NEGR1: variants seen among roughly 807,000 people sequenced by gnomAD.
NEGR1 encodes the protein IgLON family member 4.
In NEGR1, 10 loss-of-function variants were observed where a neutral mutation model predicts 40.9. The ratio of observed to expected loss-of-function variants is 0.24; its 90% CI spans 0.15 to 0.42. The LOEUF is 0.42. Among genes scored for constraint, NEGR1 ranks in the 10% least tolerant of loss-of-function variants. The pLI is 1.00. For synonymous variants in NEGR1, 185 were observed against 166.8 expected (o/e 1.11, Z -0.84); for missense variants, 352 against 438.9 (o/e 0.80, Z 1.77).
intron 6 of NEGR1, among the ~76,000 whole-genome samples, chr1:71,544,121 G>A (rs895196846): frequency 2.6e-5 from 4 of 151,590 alleles, no homozygotes; most frequent in Non-Finnish European, 4.4e-5. Flanking sequence ...TAGGCTTTCC[G>A]TTCCTTCCAG....
At chr1:71,526,326 TA>T (rs1265799015) in intron 6 of NEGR1, among the ~76,000 whole-genome samples, 1 of 151,716 alleles carries the variant, frequency 6.6e-6, no homozygotes, top group East Asian at 2.0e-4. Context: ...AGCTTTGTAA[TA>T]ATAGACTTTG....
At chr1:72,095,579 T>C (rs1283460404) in intron 1 of NEGR1, among the ~76,000 whole-genome samples, 4 of 152,140 alleles carry the variant, frequency 2.6e-5, no homozygotes, top group Non-Finnish European at 5.9e-5. Flanking sequence ...AAATGCCAAG[T>C]TTCCCACACT....
intron 2 of NEGR1, among the ~76,000 whole-genome samples, chr1:71,908,548 G>T (rs1398220350): frequency 6.6e-6 from 1 of 152,098 alleles, no homozygotes; most frequent in Non-Finnish European, 1.5e-5. Flanking sequence ...CAAATCAAAA[G>T]GTTGAAGAAA....
At chr1:72,105,252 T>C (rs1649092359) in intron 1 of NEGR1, among the ~76,000 whole-genome samples, 1 of 152,112 alleles carries the variant, frequency 6.6e-6, no homozygotes, top group Non-Finnish European at 1.5e-5. Context: ...ACTTTGAGAA[T>C]AAAAACTAGA....
In NEGR1 at chr1:71,921,099, G is replaced by T. The variant is rs144753393; in HGVS notation, c.409+13980C>A. Among the ~76,000 whole-genome samples the T allele has an allele frequency of 2.8e-3, 421 of 152,144 alleles. 3 individuals are homozygous for T. The highest frequency in any genetic ancestry group is 9.8e-3 in the African/African-American group (407 of 41,492). On this transcript the variant is annotated intron_variant, in intron 2 of 6. Coordinates refer to ENST00000357731, the MANE Select transcript of NEGR1 (RefSeq NM_173808.3). ...AATTTATCTTACTTTCTAATAATTAGTTTAATAAATCTGAGATCCCAATAT... is the reference window on the plus strand; with the variant it reads ...AATTTATCTTACTTTCTAATAATTATTTTAATAAATCTGAGATCCCAATAT...
intron 1 of NEGR1, among the ~76,000 whole-genome samples, chr1:71,985,003 T>C (rs1302765882): frequency 6.6e-6 from 1 of 152,150 alleles, no homozygotes; most frequent in Non-Finnish European, 1.5e-5. Context: ...ATTTTTCAGA[T>C]GAGGAACTTG....
rs1468784252 is a variant in NEGR1 at position 71,609,686 on chromosome 1, T to C, written c.788+1340A>G. On this transcript the variant is annotated intron_variant, in intron 5 of 6. Transcript: ENST00000357731. ...CCTGCTTGCATCACATACGTTCTTA[T>C]CCTTTGTGGTAATATCTAAGTCTTT... 2.0e-5 allele frequency among the ~76,000 whole-genome samples: 3 copies of C among 152,268 alleles called. No individual in the cohort carries two copies. The East Asian group carries it at 5.8e-4, about 29-fold the overall frequency.
rs1646230600 is a variant in NEGR1, at chr1:71,399,206, AAC to A, written c.*8238_*8239del. ...GAATAATGAGAGAGCAGGAATTCTGAACACACATACTAGTTTATCTATAAATT... is the reference window on the plus strand; with the variant it reads ...GAATAATGAGAGAGCAGGAATTCTGAACACATACTAGTTTATCTATAAATT... On this transcript the variant is annotated 3_prime_UTR_variant, in exon 7 of 7. Transcript: ENST00000357731. The A allele has an allele frequency of 6.6e-6, 1 of 152,262 alleles. No individual in the cohort carries two copies. Among genetic ancestry groups the A allele is most frequent in the East Asian group, 1.9e-4 (1 of 5,184 alleles). The allele number at this position is 152,262 out of a possible 1,614,324, so 9.4% of individuals were successfully genotyped here. A position where few individuals can be genotyped will look rare whatever the true frequency, so the allele number is the denominator to read the frequency against.
At chr1:71,778,544 G>C (rs1570334505) in intron 2 of NEGR1, among the ~76,000 whole-genome samples, 1 of 151,978 alleles carries the variant, frequency 6.6e-6, no homozygotes, top group East Asian at 1.9e-4. Flanking sequence ...ATAACATGAG[G>C]AGCATCTGTA....
chr1:71,538,217 TTTGTAA>T (rs1028967204), intron 6 of NEGR1, among the ~76,000 whole-genome samples: 9 of 151,824 alleles, frequency 5.9e-5, no homozygotes, highest in African/African-American at 2.2e-4. Flanking sequence ...GAAGGAACCA[TTTGTAA>T]TGGCCCTCTC....
chr1:71,511,007 A>T (rs1161521599), intron 6 of NEGR1, among the ~76,000 whole-genome samples: 1 of 152,238 alleles, frequency 6.6e-6, no homozygotes, highest in Non-Finnish European at 1.5e-5. Flanking sequence ...GGCCTGAAAC[A>T]ATATCAAAAT....
chr1:72,252,361 A>C (rs1655131029), intron 1 of NEGR1, among the ~76,000 whole-genome samples: 1 of 152,104 alleles, frequency 6.6e-6, no homozygotes, highest in Non-Finnish European at 1.5e-5. Flanking sequence ...TTACTTCTTA[A>C]AGGTTTGTCT....
intron 2 of NEGR1, among the ~76,000 whole-genome samples, chr1:71,794,068 T>A (rs1394246488): frequency 6.6e-6 from 1 of 152,106 alleles, no homozygotes; most frequent in Non-Finnish European, 1.5e-5. Flanking sequence ...GTTAAAAGGA[T>A]AAGTATTCAA....
chr1:71,510,774 T>C (rs1224526077), intron 6 of NEGR1, among the ~76,000 whole-genome samples: 1 of 152,220 alleles, frequency 6.6e-6, no homozygotes, highest in Non-Finnish European at 1.5e-5. Flanking sequence ...ACACCTGGTC[T>C]TGCAAGACTG....
rs2786850 is a variant in NEGR1 at position 71,885,744 on chromosome 1, C to T, written c.409+49335G>A. Among the ~76,000 whole-genome samples the T allele has an allele frequency of 8.5e-3, 1,301 of 152,198 alleles. 23 individuals are homozygous for T. Among genetic ancestry groups the T allele is most frequent in the African/African-American group, 0.03 (1,248 of 41,514 alleles). ...AGAGAATAAATTTTCCTTGATTATA[C>T]ACATCAGCATTATTATGATTTATCC... On this transcript the variant is annotated intron_variant, in intron 2 of 6. Coordinates refer to ENST00000357731, the MANE Select transcript of NEGR1 (RefSeq NM_173808.3).
chr1:72,274,671 C>A, intron 1 of NEGR1: 1 of 909,038 alleles, frequency 1.1e-6, no homozygotes, highest in Non-Finnish European at 1.9e-6. Flanking sequence ...ATGGAGGTAC[C>A]TATATGCTGA....
intron 4 of NEGR1, among the ~76,000 whole-genome samples, chr1:71,661,118 G>A (rs189756004): frequency 5.9e-5 from 9 of 152,246 alleles, no homozygotes; most frequent in East Asian, 3.9e-4. Flanking sequence ...CATTACGGTC[G>A]GTTCCAAGTC....
At chr1:71,918,962 G>C (rs1661681265) in intron 2 of NEGR1, among the ~76,000 whole-genome samples, 2 of 152,100 alleles carry the variant, frequency 1.3e-5, no homozygotes, top group South Asian at 4.1e-4. Context: ...TTTTCCAGAT[G>C]GAGTGATTTT....
chr1:72,116,902 T>C (rs993355684), intron 1 of NEGR1, among the ~76,000 whole-genome samples: 2 of 151,798 alleles, frequency 1.3e-5, no homozygotes, highest in African/African-American at 4.8e-5. Context: ...AGAATATTAA[T>C]TGAAATGTTT....
Sources: allele counts gnomAD v4.1 joint callset (sites outside exome capture counted in the v4.1 genomes callset), GRCh38; gene constraint gnomAD v4.1.1; transcripts MANE v1.5; gene names NCBI Gene and HGNC (gene_info 2026-07-23, HGNC 2026-07-21).